The following SIGLEC1 variants were observed in gnomAD, a reference collection of about 807,000 sequenced individuals.
SIGLEC1 encodes sialic acid binding Ig like lectin 1.
Under a neutral mutation model 148.0 loss-of-function variants are expected in SIGLEC1, and 132 were observed. The ratio of observed to expected loss-of-function variants is 0.89; its 90% CI spans 0.77 to 1.03. The LOEUF is 1.03. SIGLEC1 is among the 50% of genes least tolerant of loss of function. The pLI, the probability that SIGLEC1 is intolerant of heterozygous loss-of-function variation, is 0.00. For missense variants in SIGLEC1, 2,253 were observed against 2,271.4 expected (o/e 0.99, Z 0.16); for synonymous variants, 945 against 969.0 (o/e 0.98, Z 0.46).
chr20:3,696,120 C>CTATA (rs1555847913), intron 11 of SIGLEC1, among the ~76,000 whole-genome samples: 33,267 of 105,724 alleles, frequency 0.31, 4,155 homozygotes, highest in East Asian at 0.4. Context: ...TTTATAGAGA[C>CTATA]TATATATATA....
intron 14 of SIGLEC1, 128 bp from the exon 15 acceptor site, chr20:3,693,259 G>A: frequency 8.1e-7 from 1 of 1,231,458 alleles, no homozygotes; most frequent in Non-Finnish European, 1.1e-6. Flanking sequence ...CCCAGTCTGA[G>A]GCACTGCTCC....
intron 11 of SIGLEC1, among the ~76,000 whole-genome samples, chr20:3,696,129 T>TATATATATACACACAC (rs11087599): frequency 1.3e-4 from 19 of 142,516 alleles, no homozygotes; most frequent in African/African-American, 4.4e-4. Context: ...ACTATATATA[T>TATATATATACACACAC]ACACACACAC....
intron 1 of SIGLEC1, among the ~76,000 whole-genome samples, chr20:3,711,519 G>T (rs1386744908): frequency 6.6e-6 from 1 of 152,174 alleles, no homozygotes; most frequent in Non-Finnish European, 1.5e-5. Context: ...TGACACCAAG[G>T]CTTCTCCCCA....
rs1555847913 is a variant in SIGLEC1, at chr20:3,696,120, CTA to C, written c.2683+464_2683+465del. 3.7e-3 allele frequency among the ~76,000 whole-genome samples: 394 copies of C among 106,036 alleles called. 4 individuals carry two copies. The highest frequency in any genetic ancestry group is 0.016 in the East Asian group (49 of 3,010). The allele number at this position is 106,036 out of a possible 152,430, so 69.6% of individuals were successfully genotyped here. A position where few individuals can be genotyped will look rare whatever the true frequency, so the allele number is the denominator to read the frequency against. ...GCCTGAGGGAGGATTTTTATAGAGA[CTA>C]TATATATACACACACACAAACACAC... On this transcript the variant is annotated intron_variant, in intron 11 of 21. Coordinates refer to ENST00000344754, the MANE Select transcript of SIGLEC1 (RefSeq NM_023068.4).
rs928210927 is a variant in SIGLEC1, at chr20:3,688,535, T to C, written c.*25A>G. 1.5e-5 allele frequency: 23 copies of C among 1,573,406 alleles called. No homozygotes were observed. The highest frequency in any genetic ancestry group is 1.3e-5 in the Non-Finnish European group (15 of 1,156,246). ...ATCACAGATTCTGGCCACTTTCTCC[T>C]CCGGAGGGCAGGCAACACCACTGGT... is the stretch of plus-strand genomic sequence containing the variant. On this transcript the variant is annotated 3_prime_UTR_variant, in exon 22 of 22. Transcript: ENST00000344754.
intron 7 of SIGLEC1, among the ~76,000 whole-genome samples, chr20:3,700,444 G>T (rs2087841709): frequency 1.3e-5 from 2 of 151,510 alleles, no homozygotes; most frequent in Admixed American, 6.6e-5. Flanking sequence ...AATTAGCTGG[G>T]TGTGGTGACA....
At chr20:3,711,888 A>G (rs1568464908) in intron 1 of SIGLEC1, among the ~76,000 whole-genome samples, 1 of 152,134 alleles carries the variant, frequency 6.6e-6, no homozygotes, top group Non-Finnish European at 1.5e-5. Flanking sequence ...GGGTTAGAGT[A>G]AGGAGAGATT....
rs796469311 is a variant in SIGLEC1 at position 3,694,374 on chromosome 20, C to T, written c.3103G>A (p.Glu1035Lys). The T allele has an allele frequency of 7.5e-5, 121 of 1,613,278 alleles. No individual in the cohort carries two copies. Among genetic ancestry groups the T allele is most frequent in the Non-Finnish European group, 9.7e-5 (115 of 1,179,904 alleles). Residue 1035 changes from glutamate to lysine, a missense_variant, in exon 13 of 22, where the codon GAA becomes AAA. By Grantham distance (56) the Glu-to-Lys change is moderately conservative (BLOSUM62 1). Coordinates refer to ENST00000344754, the MANE Select transcript of SIGLEC1 (RefSeq NM_023068.4). The part of the protein sequence containing the change: ...ASTLQGVGGP[E>K]GSSPRLHVAV... The stretch of plus-strand genomic sequence containing the variant: ...ACATGCAGCCTGGGAGAGCTGCCTT[C>T]GGGTCCCCCCACACCTTGTAGGGTG...
intron 11 of SIGLEC1, 91 bp downstream of exon 11, chr20:3,696,495 G>A: frequency 2.3e-6 from 3 of 1,302,572 alleles, no homozygotes; most frequent in Non-Finnish European, 3.1e-6. Flanking sequence ...ACATATTTCT[G>A]CACAAAATTC....
intron 1 of SIGLEC1, among the ~76,000 whole-genome samples, chr20:3,709,070 A>G (rs2087915251): frequency 7.3e-6 from 1 of 137,178 alleles, no homozygotes; most frequent in Non-Finnish European, 1.6e-5. Context: ...AAAAAAAAGG[A>G]TATGAATCAA....
rs71195856 is a variant in SIGLEC1, at chr20:3,700,697, C to CT, written c.1528+644dup. On this transcript the variant is annotated intron_variant, in intron 7 of 21. Transcript: ENST00000344754. ...GACCGTACTTTTCTTTTTTCTTTTT[C>CT]TTTTTTTTTTTTTTTTTTTTGAGAC... 5.7e-3 allele frequency among the ~76,000 whole-genome samples: 680 copies of CT among 119,836 alleles called. 5 individuals carry two copies. Among genetic ancestry groups the CT allele is most frequent in the Middle Eastern group, 0.017 (4 of 230 alleles). 78.6% of individuals were successfully genotyped at this position (119,836 alleles called of 152,430 possible). A position where few individuals can be genotyped will look rare whatever the true frequency, so the allele number is the denominator to read the frequency against.
chr20:3,705,270 TAC>T (rs2087883962), intron 4 of SIGLEC1, among the ~76,000 whole-genome samples: 1 of 152,208 alleles, frequency 6.6e-6, no homozygotes, highest in Non-Finnish European at 1.5e-5. Context: ...GTGATGGGAT[TAC>T]AGGCATAAGC....
intron 18 of SIGLEC1, 56 bp from the exon 19 acceptor site, chr20:3,690,320 C>T: frequency 7.1e-7 from 1 of 1,417,310 alleles, no homozygotes; most frequent in Admixed American, 2.1e-5. Context: ...ATTTCTCCCT[C>T]CCTGTACCCA....
chr20:3,708,528 G>A (rs547220793), intron 1 of SIGLEC1, among the ~76,000 whole-genome samples: 10 of 152,312 alleles, frequency 6.6e-5, no homozygotes, highest in African/African-American at 2.4e-4. Flanking sequence ...CACTTTGGGA[G>A]GCTGAGGCAG....
At chr20:3,707,639 G>A (rs2087906011) in intron 1 of SIGLEC1, among the ~76,000 whole-genome samples, 1 of 152,138 alleles carries the variant, frequency 6.6e-6, no homozygotes, top group Non-Finnish European at 1.5e-5. Flanking sequence ...ACTAACTATA[G>A]ACCATAATGG....
chr20:3,691,206 G>T, intron 18 of SIGLEC1, 134 bp downstream of exon 18: 1 of 1,071,792 alleles, frequency 9.3e-7, no homozygotes, highest in Non-Finnish European at 1.4e-6. Flanking sequence ...ACCAGACAGC[G>T]GGAGAGCCAG....
At chr20:3,704,691 A>C (rs1164970164) in intron 4 of SIGLEC1, among the ~76,000 whole-genome samples, 1 of 152,232 alleles carries the variant, frequency 6.6e-6, no homozygotes, top group Admixed American at 6.5e-5. Flanking sequence ...ATCATAGCTC[A>C]CTGCAGCCTG....
In SIGLEC1 at chr20:3,698,078, G is replaced by T; in HGVS notation, c.1842C>A (p.Ala614=). 9 of 1,608,392 alleles carry T rather than the reference G, an allele frequency of 5.6e-6. No individual in the cohort carries two copies. The highest frequency in any genetic ancestry group is 7.6e-6 in the Non-Finnish European group (9 of 1,178,430). ...AAAGGAGGCCTCGCCGTCCAGCCCC[G>T]GCCCCAGCGGCATCAAGGTCCAGCC... is the stretch of plus-strand genomic sequence containing the variant. The part of the protein sequence containing the change: ...TTRLDLDAAG[A]GAGRRGLLLC... Residue 614 remains alanine (A), a synonymous_variant, in exon 9 of 22, where the codon GCC becomes GCA. Coordinates refer to ENST00000344754, the MANE Select transcript of SIGLEC1 (RefSeq NM_023068.4).
At chr20:3,709,474 G>A (rs997071049) in intron 1 of SIGLEC1, among the ~76,000 whole-genome samples, 1 of 152,240 alleles carries the variant, frequency 6.6e-6, no homozygotes, top group Non-Finnish European at 1.5e-5. Flanking sequence ...TGTATTGCTG[G>A]TGGGAATATA....
Sources: gnomAD v4.1 joint callset for allele counts (sites outside exome capture counted in the v4.1 genomes callset) on GRCh38, gnomAD v4.1.1 for gene constraint, MANE v1.5 for transcripts, NCBI Gene and HGNC (gene_info 2026-07-23, HGNC 2026-07-21) for gene names.